Variants in SFMBT1 observed in about 807,000 individuals in gnomAD.
SFMBT1 encodes scm-like with four MBT domains protein 1.
In SFMBT1, 32 loss-of-function variants were observed where a neutral mutation model predicts 108.7. The ratio of observed to expected loss-of-function variants is 0.29; its 90% confidence interval spans 0.22 to 0.40. The LOEUF is 0.40. Among genes scored for constraint, SFMBT1 ranks in the 10% least tolerant of loss-of-function variants. SFMBT1 has a pLI of 1.00. For missense variants in SFMBT1, 816 were observed against 1,059.6 expected (o/e 0.77, Z 3.19); for synonymous variants, 348 against 369.5 (o/e 0.94, Z 0.67).
rs548654141 is a variant in SFMBT1 at position 52,969,448 on chromosome 3, T to C, written c.-130-190A>G. On this transcript the variant is annotated intron_variant, in intron 1 of 20. Transcript: ENST00000394752. ...GTCTGTATGTGTATGTGTGCGCTCA[T>C]GTGCGTCTGTATGTGTAGAGAACGC... Among the ~76,000 whole-genome samples, 64 of 152,304 alleles carry C rather than the reference T, an allele frequency of 4.2e-4. 1 individual carries two copies. The South Asian group carries it at 0.013, about 31-fold the overall frequency.
At chr3:52,992,492 A>T (rs1705175614) in intron 1 of SFMBT1, among the ~76,000 whole-genome samples, 1 of 152,214 alleles carries the variant, frequency 6.6e-6, no homozygotes, top group Non-Finnish European at 1.5e-5. Context: ...TAAAATGTTA[A>T]AGTGATTTTG....
At chr3:52,998,734 G>A (rs1412448543) in intron 1 of SFMBT1, among the ~76,000 whole-genome samples, 1 of 150,640 alleles carries the variant, frequency 6.6e-6, no homozygotes, top group East Asian at 1.9e-4. Context: ...GTGATCTCCC[G>A]GGTCCTGTGG....
chr3:53,042,422 C>T (rs1385591600), intron 1 of SFMBT1, among the ~76,000 whole-genome samples: 1 of 152,230 alleles, frequency 6.6e-6, no homozygotes, highest in African/African-American at 2.4e-5. Flanking sequence ...TCACTGCAGC[C>T]TCGAACTCCT....
intron 1 of SFMBT1, among the ~76,000 whole-genome samples, chr3:53,000,920 GA>G (rs563127937): frequency 6.7e-6 from 1 of 149,550 alleles, no homozygotes; most frequent in African/African-American, 2.4e-5. Flanking sequence ...TGCTTAAAAT[GA>G]AAAAAAATAT....
chr3:52,983,542 A>G (rs991698731), intron 1 of SFMBT1, among the ~76,000 whole-genome samples: 1 of 152,218 alleles, frequency 6.6e-6, no homozygotes. Flanking sequence ...GTTAGGAGAA[A>G]AAAACTGAAC....
chr3:53,027,442 A>C (rs958763201), intron 1 of SFMBT1, among the ~76,000 whole-genome samples: 1 of 152,210 alleles, frequency 6.6e-6, no homozygotes, highest in African/African-American at 2.4e-5. Flanking sequence ...CCCTGGCACC[A>C]CTGCTTCATG....
chr3:52,906,463 T>G (rs1350400910), intron 19 of SFMBT1, among the ~76,000 whole-genome samples: 2 of 152,178 alleles, frequency 1.3e-5, no homozygotes, highest in Non-Finnish European at 2.9e-5. Context: ...TATCTCAAAG[T>G]TCCAGCACAG....
chr3:52,906,570 C>G (rs1256159660), intron 19 of SFMBT1, among the ~76,000 whole-genome samples: 1 of 152,170 alleles, frequency 6.6e-6, no homozygotes, highest in Non-Finnish European at 1.5e-5. Flanking sequence ...CAGGAGGAAT[C>G]TTTACTGCTT....
intron 13 of SFMBT1, among the ~76,000 whole-genome samples, chr3:52,916,417 C>T (rs534223939): frequency 6.7e-6 from 1 of 149,652 alleles, no homozygotes; most frequent in Non-Finnish European, 1.5e-5. Context: ...CACGCGTAAT[C>T]CCAGCACTTT....
At chr3:52,932,732 G>A (rs1290698805) in intron 5 of SFMBT1, among the ~76,000 whole-genome samples, 2 of 152,014 alleles carry the variant, frequency 1.3e-5, no homozygotes, top group African/African-American at 4.8e-5. Context: ...CCAACATGGT[G>A]AAACCCCGTC....
chr3:52,966,950 TTATATA>T (rs374164813), intron 2 of SFMBT1, among the ~76,000 whole-genome samples: 1 of 146,702 alleles, frequency 6.8e-6, no homozygotes, highest in Non-Finnish European at 1.5e-5. Context: ...TTGTGATAAG[TTATATA>T]TATATATATA....
chr3:52,908,072 CTTTT>C (rs917544866), intron 17 of SFMBT1, among the ~76,000 whole-genome samples: 1 of 134,506 alleles, frequency 7.4e-6, no homozygotes. Flanking sequence ...TTGTGTGTGA[CTTTT>C]TTTTTTTTTT....
intron 2 of SFMBT1, among the ~76,000 whole-genome samples, chr3:52,960,265 T>A (rs571462855): frequency 1.3e-5 from 2 of 152,012 alleles, no homozygotes; most frequent in African/African-American, 4.8e-5. Flanking sequence ...ATGAAAAGAA[T>A]ACGTATCAAC....
intron 4 of SFMBT1, among the ~76,000 whole-genome samples, chr3:52,939,896 C>A (rs977281508): frequency 2.0e-5 from 3 of 151,852 alleles, no homozygotes; most frequent in African/African-American, 7.2e-5. Flanking sequence ...CTTTTCAAAT[C>A]TTCCCTTTTT....
intron 1 of SFMBT1, among the ~76,000 whole-genome samples, chr3:53,002,205 C>G (rs1698581287): frequency 6.7e-6 from 1 of 149,120 alleles, no homozygotes; most frequent in African/African-American, 2.4e-5. Context: ...TCGAGACCAT[C>G]CTGGCTAACA....
Position 52,917,508 on chromosome 3 carries a change from T to C in SFMBT1, c.1415+976A>G, listed in dbSNP as rs550185633. On this transcript the variant is annotated intron_variant, in intron 13 of 20. Transcript: ENST00000394752. Reference sequence around the variant, plus strand: ...AGGAAGCAATCTACCAGCACCTTGATCTTGGATTTTCCAGCCTCCAGAATG... The same window carrying C: ...AGGAAGCAATCTACCAGCACCTTGACCTTGGATTTTCCAGCCTCCAGAATG... Among the ~76,000 whole-genome samples the C allele has an allele frequency of 4.5e-4, 69 of 152,250 alleles. 1 individual carries two copies. Among genetic ancestry groups the C allele is most frequent in the African/African-American group, 1.6e-3 (65 of 41,550 alleles).
chr3:53,020,711 T>C (rs2581777), intron 1 of SFMBT1, among the ~76,000 whole-genome samples: 42,720 of 152,024 alleles, frequency 0.28, 6,683 homozygotes, highest in East Asian at 0.49. Flanking sequence ...ACATTTCCAA[T>C]CTATACCCAG....
At chr3:53,035,863 G>T (rs1238422139) in intron 1 of SFMBT1, among the ~76,000 whole-genome samples, 1 of 152,226 alleles carries the variant, frequency 6.6e-6, no homozygotes, top group Admixed American at 6.5e-5. Flanking sequence ...AAAATACTGG[G>T]ATTACAGGCG....
chr3:52,930,889 T>C, intron 7 of SFMBT1, 52 bp downstream of exon 7: 1 of 1,502,504 alleles, frequency 6.7e-7, no homozygotes, highest in Non-Finnish European at 9.3e-7. Context: ...CTGCGTTGCT[T>C]TACTCTACTG....
Sources: allele counts gnomAD v4.1 joint callset (sites outside exome capture counted in the v4.1 genomes callset), GRCh38; gene constraint gnomAD v4.1.1; transcripts MANE v1.5; gene names NCBI Gene and HGNC (gene_info 2026-07-23, HGNC 2026-07-21).